FGD4: variants seen among roughly 807,000 people sequenced by gnomAD.
The protein encoded by FGD4 is FYVE, RhoGEF and PH domain containing 4.
Under a neutral mutation model 102.0 loss-of-function variants are expected in FGD4, and 42 were observed. That is an observed-to-expected ratio of 0.41 (90% CI 0.32 to 0.53). FGD4 has a LOEUF of 0.53. Ranked by LOEUF, FGD4 falls within the 20% of genes least tolerant of loss-of-function variation. The pLI is 0.21. For synonymous variants in FGD4, 380 were observed against 375.7 expected (o/e 1.01, Z -0.13); for missense variants, 902 against 1,078.2 (o/e 0.84, Z 2.29).
At chr12:32,561,093 T>TTTTTTTA (rs1944538735) in intron 1 of FGD4, among the ~76,000 whole-genome samples, 1 of 127,892 alleles carries the variant, frequency 7.8e-6, no homozygotes, top group Non-Finnish European at 1.7e-5. Context: ...TTTTTTTTTT[T>TTTTTTTA]TTTTTTTTGA....
At chr12:32,608,192 A>G (rs1057431242) in intron 8 of FGD4, 97 bp downstream of exon 8, 1 of 1,476,368 alleles carries the variant, frequency 6.8e-7, no homozygotes. Context: ...CAGCTACTTT[A>G]GTCAAATGTT....
chr12:32,624,258 A>C (rs937685466), intron 11 of FGD4, among the ~76,000 whole-genome samples, 164 bp from the exon 12 acceptor site: 20 of 152,238 alleles, frequency 1.3e-4, no homozygotes, highest in African/African-American at 4.8e-4. Flanking sequence ...CTACTTAAGA[A>C]GAATTTTATT....
intron 1 of FGD4, among the ~76,000 whole-genome samples, chr12:32,529,999 T>A (rs1471233369): frequency 6.6e-6 from 1 of 152,108 alleles, no homozygotes; most frequent in Non-Finnish European, 1.5e-5. Flanking sequence ...TTTTAAACAT[T>A]GTAGATTTAT....
chr12:32,625,412 C>T (rs751668761), intron 13 of FGD4, among the ~76,000 whole-genome samples: 9 of 151,314 alleles, frequency 5.9e-5, no homozygotes, highest in African/African-American at 1.2e-4. Flanking sequence ...TGGGATTATA[C>T]GTGCATGCCA....
intron 10 of FGD4, among the ~76,000 whole-genome samples, chr12:32,616,784 T>C (rs1279644198): frequency 6.6e-6 from 1 of 152,176 alleles, no homozygotes; most frequent in Non-Finnish European, 1.5e-5. Context: ...TTTCATTGTT[T>C]TTTATGTTAA....
chr12:32,538,722 T>A (rs563525920), intron 1 of FGD4, among the ~76,000 whole-genome samples: 83 of 152,300 alleles, frequency 5.4e-4, no homozygotes, highest in South Asian at 3.5e-3. Flanking sequence ...CGATACTGTC[T>A]GTGTGGAGAA....
intron 8 of FGD4, among the ~76,000 whole-genome samples, chr12:32,609,548 G>T (rs1949011347): frequency 6.6e-6 from 1 of 152,142 alleles, no homozygotes; most frequent in African/African-American, 2.4e-5. Flanking sequence ...TTAAAATTCA[G>T]TTTATTCTAC....
chr12:32,464,003 A>G (rs1386410654), intron 1 of FGD4, among the ~76,000 whole-genome samples: 1 of 152,212 alleles, frequency 6.6e-6, no homozygotes, highest in Non-Finnish European at 1.5e-5. Flanking sequence ...TCACGTAGCC[A>G]CTAAGTAGAC....
At chr12:32,590,235 G>T (rs771934342) in intron 4 of FGD4, among the ~76,000 whole-genome samples, 3 of 149,578 alleles carry the variant, frequency 2.0e-5, no homozygotes, top group Non-Finnish European at 4.4e-5. Flanking sequence ...ACTTGAACCC[G>T]AGAGGCAGAG....
chr12:32,404,326 A>G (rs1018005805), intron 1 of FGD4, among the ~76,000 whole-genome samples: 18 of 151,930 alleles, frequency 1.2e-4, no homozygotes, highest in Non-Finnish European at 2.9e-5. Context: ...CAGTATCCTG[A>G]GAACTTCTAG....
chr12:32,640,373 C>G lies in FGD4; in HGVS notation c.2552C>G (p.Ser851Cys). The G allele has an allele frequency of 1.2e-6, 2 of 1,614,194 alleles. No individual in the cohort carries two copies. The highest frequency in any genetic ancestry group is 1.7e-6 in the Non-Finnish European group (2 of 1,180,044). ...CCACACAGTTTCAAACTGACCCAGT[C>G]TAAGTCCGTGCACAGCTTTGCTGCA... Reference protein sequence around the residue: ...DLPHSFKLTQSKSVHSFAADS... With the variant: ...DLPHSFKLTQCKSVHSFAADS... Residue 851 changes from serine to cysteine, a missense_variant, in exon 17 of 17, where the codon TCT becomes TGT. Physicochemically the swap from Ser to Cys is moderately radical, Grantham distance 112. Transcript: ENST00000534526.
At chr12:32,564,356 A>G in intron 2 of FGD4, 67 bp downstream of exon 2, 3 of 1,490,972 alleles carry the variant, frequency 2.0e-6, no homozygotes, top group Non-Finnish European at 2.7e-6. Flanking sequence ...AACCAGAAAA[A>G]TGATGGCCAC....
chr12:32,426,657 A>G (rs1418700422), intron 1 of FGD4, among the ~76,000 whole-genome samples: 2 of 151,878 alleles, frequency 1.3e-5, no homozygotes, highest in African/African-American at 4.8e-5. Context: ...TCCTCTTTGT[A>G]CCTCTGGTAG....
At chr12:32,452,032 A>G (rs954861940) in intron 1 of FGD4, among the ~76,000 whole-genome samples, 1 of 152,158 alleles carries the variant, frequency 6.6e-6, no homozygotes, top group African/African-American at 2.4e-5. Context: ...CCTAATTTAT[A>G]GGAAGCTACG....
At chr12:32,460,926 CT>C (rs376402213) in intron 1 of FGD4, among the ~76,000 whole-genome samples, 4 of 152,200 alleles carry the variant, frequency 2.6e-5, no homozygotes, top group African/African-American at 9.7e-5. Context: ...CATACTGTTT[CT>C]ATTGAATTAA....
At chr12:32,524,264 C>T (rs1485923438) in intron 1 of FGD4, among the ~76,000 whole-genome samples, 4 of 151,126 alleles carry the variant, frequency 2.6e-5, no homozygotes, top group African/African-American at 7.3e-5. Context: ...GGCGTGGTGG[C>T]GTCAGTCCGT....
intron 12 of FGD4, 185 bp downstream of exon 12, chr12:32,624,637 A>ATT: frequency 9.8e-6 from 6 of 614,850 alleles, no homozygotes; most frequent in East Asian, 3.1e-5. Flanking sequence ...TGTCTGGTTA[A>ATT]TTTTTTTTTT....
intron 1 of FGD4, among the ~76,000 whole-genome samples, chr12:32,505,877 A>G (rs1938677385): frequency 6.6e-6 from 1 of 152,072 alleles, no homozygotes; most frequent in African/African-American, 2.4e-5. Flanking sequence ...TGAAATTGTG[A>G]GACGTAGTAT....
intron 14 of FGD4, among the ~76,000 whole-genome samples, chr12:32,631,567 C>T (rs140303080): frequency 4.8e-5 from 7 of 147,032 alleles, no homozygotes; most frequent in African/African-American, 1.0e-4. Flanking sequence ...TGCACTGGCG[C>T]GATCTTGGCT....
Sources: allele counts gnomAD v4.1 joint callset (sites outside exome capture counted in the v4.1 genomes callset), GRCh38; gene constraint gnomAD v4.1.1; transcripts MANE v1.5; gene names NCBI Gene and HGNC (gene_info 2026-07-23, HGNC 2026-07-21).